ADTRP: variants seen among roughly 807,000 people sequenced by gnomAD.
The protein encoded by ADTRP is androgen-dependent TFPI-regulating protein.
A neutral mutation model predicts 27.0 loss-of-function variants in ADTRP; 20 were observed. The observed-to-expected ratio is 0.74, with a 90% CI of 0.52 to 1.08. ADTRP has a LOEUF of 1.08. Among genes scored for constraint, ADTRP ranks in the 50% least tolerant of loss-of-function variants. The pLI is 0.00. For synonymous variants in ADTRP, 101 were observed against 105.2 expected, an observed-to-expected ratio of 0.96 and a Z score of 0.25; for missense variants, 251 against 275.0, an observed-to-expected ratio of 0.91 and a Z score of 0.62.
rs1464446443 is a variant in ADTRP, at chr6:11,769,101, A to G, written c.154-718T>C. Among the ~76,000 whole-genome samples, 4 of 152,184 alleles carry G rather than the reference A, an allele frequency of 2.6e-5. No homozygotes were observed. The East Asian group carries it at 5.8e-4, about 22-fold the overall frequency. Reference sequence around the variant, plus strand: ...GTATTTTTCAAGAAAGTAATACGATATGGAAGGCAAGCTTTGTACATTCTT... The same window carrying G: ...GTATTTTTCAAGAAAGTAATACGATGTGGAAGGCAAGCTTTGTACATTCTT... On this transcript the variant is annotated intron_variant, in intron 1 of 5. Coordinates refer to ENST00000414691, the MANE Select transcript of ADTRP (RefSeq NM_032744.4).
chr6:11,723,212 CCTGT>C lies in ADTRP; in HGVS notation c.658+133_658+136del. 3 of 1,236,246 alleles carry C rather than the reference CCTGT, an allele frequency of 2.4e-6. No homozygotes were observed. In the South Asian group the frequency reaches 4.4e-5, roughly 18 times the overall value. The allele number at this position is 1,236,246 out of a possible 1,614,324, so 76.6% of individuals were successfully genotyped here. A position where few individuals can be genotyped will look rare whatever the true frequency, so the allele number is the denominator to read the frequency against. On this transcript the variant is annotated intron_variant, in intron 5 of 5. Transcript: ENST00000414691. ...GCCTTGGCAGGACCTCTTGGCAGGA[CCTGT>C]CTGAGTACTTTGGACAAAGACAGTA...
chr6:11,754,987 C>A (rs1267891516), intron 3 of ADTRP: 2 of 966,060 alleles, frequency 2.1e-6, no homozygotes, highest in Non-Finnish European at 2.5e-6. Flanking sequence ...TTAGTTTTTG[C>A]TCTTAGTATT....
At chr6:11,769,472 T>C (rs991128041) in intron 1 of ADTRP, among the ~76,000 whole-genome samples, 1 of 152,124 alleles carries the variant, frequency 6.6e-6, no homozygotes, top group African/African-American at 2.4e-5. Flanking sequence ...GCTACACCCA[T>C]CACCCAGGAG....
intron 3 of ADTRP, among the ~76,000 whole-genome samples, chr6:11,742,094 A>G (rs1394095120): frequency 6.6e-6 from 1 of 152,100 alleles, no homozygotes; most frequent in Non-Finnish European, 1.5e-5. Context: ...AATCAGGTGC[A>G]TAGTCTGGTA....
intron 3 of ADTRP, among the ~76,000 whole-genome samples, chr6:11,742,568 T>C (rs1762752340): frequency 6.6e-6 from 1 of 152,218 alleles, no homozygotes; most frequent in African/African-American, 2.4e-5. Context: ...AGTTTTTGTT[T>C]TTCAGAGAAA....
chr6:11,728,065 G>A (rs1431490846), intron 4 of ADTRP, among the ~76,000 whole-genome samples: 2 of 152,016 alleles, frequency 1.3e-5, no homozygotes, highest in Non-Finnish European at 2.9e-5. Context: ...ATTCAATCTT[G>A]CCCCCAAGTT....
At chr6:11,765,433 T>C (rs926092587) in intron 3 of ADTRP, among the ~76,000 whole-genome samples, 6 of 150,166 alleles carry the variant, frequency 4.0e-5, no homozygotes, top group African/African-American at 1.2e-4. Context: ...GTTCAAGCGA[T>C]TCTCCTGCCT....
At chr6:11,750,174 A>C (rs1304839764) in intron 3 of ADTRP, among the ~76,000 whole-genome samples, 2 of 152,186 alleles carry the variant, frequency 1.3e-5, no homozygotes, top group African/African-American at 4.8e-5. Context: ...ATTGGGGAAA[A>C]ATTAAAAAAC....
At chr6:11,744,366 AT>A (rs1008414039) in intron 3 of ADTRP, among the ~76,000 whole-genome samples, 2 of 152,210 alleles carry the variant, frequency 1.3e-5, no homozygotes, top group African/African-American at 2.4e-5. Context: ...GCAATGCAAA[AT>A]GGACTAACAT....
At chr6:11,753,743 TATTC>T (rs1763124464) in intron 3 of ADTRP, among the ~76,000 whole-genome samples, 1 of 152,224 alleles carries the variant, frequency 6.6e-6, no homozygotes, top group African/African-American at 2.4e-5. Flanking sequence ...TACAAAATAA[TATTC>T]ATTGTCAAGC....
chr6:11,770,189 G>T, intron 1 of ADTRP: 2 of 1,087,198 alleles, frequency 1.8e-6, no homozygotes, highest in Non-Finnish European at 2.7e-6. Flanking sequence ...GTGGGAGAAT[G>T]AACGACCACT....
chr6:11,748,770 G>A (rs918888169), intron 3 of ADTRP, among the ~76,000 whole-genome samples: 3 of 152,194 alleles, frequency 2.0e-5, no homozygotes, highest in Non-Finnish European at 4.4e-5. Context: ...CAAGGGTGCA[G>A]TACGCACGAA....
At chr6:11,750,453 G>T (rs1204248386) in intron 3 of ADTRP, among the ~76,000 whole-genome samples, 1 of 152,210 alleles carries the variant, frequency 6.6e-6, no homozygotes, top group Non-Finnish European at 1.5e-5. Flanking sequence ...TTAATAATAT[G>T]CAAACTAAAT....
chr6:11,772,507 T>C (rs1204114315), intron 1 of ADTRP, among the ~76,000 whole-genome samples: 1 of 152,228 alleles, frequency 6.6e-6, no homozygotes, highest in African/African-American at 2.4e-5. Context: ...GAGAATTTCT[T>C]CTATTTAAAA....
intron 1 of ADTRP, among the ~76,000 whole-genome samples, chr6:11,776,347 C>A (rs1763955868): frequency 6.6e-6 from 1 of 152,188 alleles, no homozygotes; most frequent in Non-Finnish European, 1.5e-5. Context: ...TTTTTAATAT[C>A]TGGGTATCCT....
intron 5 of ADTRP, among the ~76,000 whole-genome samples, chr6:11,720,472 A>C (rs1362489020): frequency 7.0e-5 from 10 of 143,384 alleles, no homozygotes; most frequent in Admixed American, 6.9e-5. Flanking sequence ...TGAGGGATAT[A>C]CCCTTTTCTT....
intron 4 of ADTRP, among the ~76,000 whole-genome samples, chr6:11,724,040 A>G (rs1762107930): frequency 6.6e-6 from 1 of 151,490 alleles, no homozygotes; most frequent in Non-Finnish European, 1.5e-5. Context: ...AGCCTGGGCA[A>G]CAAGAGTGAA....
At chr6:11,758,683 C>T (rs558506676) in intron 3 of ADTRP, among the ~76,000 whole-genome samples, 50 of 150,634 alleles carry the variant, frequency 3.3e-4, no homozygotes, top group African/African-American at 1.1e-3. Context: ...CTAACCTGCA[C>T]GTTGTGCACA....
At chr6:11,736,404 C>T (rs1364943997) in intron 3 of ADTRP, 1 of 152,754 alleles carries the variant, frequency 6.5e-6, no homozygotes, top group African/African-American at 2.4e-5. Context: ...CGCACACTAA[C>T]ACATATACAC....
Sources: gnomAD v4.1 joint callset for allele counts (sites outside exome capture counted in the v4.1 genomes callset) on GRCh38, gnomAD v4.1.1 for gene constraint, MANE v1.5 for transcripts, NCBI Gene and HGNC (gene_info 2026-07-23, HGNC 2026-07-21) for gene names.